The following GPR139 variants were observed in gnomAD, a reference collection of about 807,000 sequenced individuals.
The protein encoded by GPR139 is probable G protein-coupled receptor 139.
In GPR139, 12 loss-of-function variants were observed where a neutral mutation model predicts 25.8. That is an observed-to-expected ratio of 0.47 (90% CI 0.30 to 0.75). The LOEUF (loss-of-function observed/expected upper bound fraction) is 0.75, where lower values mean the gene tolerates loss of function less well. Ranked by LOEUF, GPR139 falls within the 30% of genes least tolerant of loss-of-function variation. The pLI, the probability that GPR139 is intolerant of heterozygous loss-of-function variation, is 0.07. For missense variants in GPR139, 380 were observed against 450.2 expected (o/e 0.84, Z 1.41); for synonymous variants, 184 against 179.9 (o/e 1.02, Z -0.18).
At chr16:20,058,147 T>C (rs1048638473) in intron 1 of GPR139, among the ~76,000 whole-genome samples, 4 of 152,204 alleles carry the variant, frequency 2.6e-5, no homozygotes, top group African/African-American at 9.7e-5. Flanking sequence ...CATATTCCCT[T>C]CAATAAGATG....
chr16:20,073,384 T>C lies in GPR139; in HGVS notation c.127+106A>G. 1 of 1,509,072 alleles carries C rather than the reference T, an allele frequency of 6.6e-7. No homozygotes were observed. The highest frequency in any genetic ancestry group is 9.0e-7 in the Non-Finnish European group (1 of 1,114,032). The allele number at this position is 1,509,072 out of a possible 1,614,324, so 93.5% of individuals were successfully genotyped here. A position where few individuals can be genotyped will look rare whatever the true frequency, so the allele number is the denominator to read the frequency against. On this transcript the variant is annotated intron_variant, in intron 1 of 1. Transcript: ENST00000570682. This position sits in a 1 kb window ranked among gnomAD's most constrained non-coding sequence, Gnocchi z 4.7. ...AGTTGCCCTTAAAGCTTAAACTTTTTCCGAGGGGGCGCCAGGGAACGCACG... is the reference window on the plus strand; with the variant it reads ...AGTTGCCCTTAAAGCTTAAACTTTTCCCGAGGGGGCGCCAGGGAACGCACG...
intron 1 of GPR139, among the ~76,000 whole-genome samples, chr16:20,065,896 G>C (rs1465438659): frequency 6.9e-6 from 1 of 145,028 alleles, no homozygotes; most frequent in Non-Finnish European, 1.5e-5. Flanking sequence ...AAAAAAAAAA[G>C]TTAAATAAGT....
intron 1 of GPR139, among the ~76,000 whole-genome samples, chr16:20,036,933 G>T (rs905844326): frequency 6.6e-6 from 1 of 152,206 alleles, no homozygotes; most frequent in Non-Finnish European, 1.5e-5. Flanking sequence ...ACTATGCCAG[G>T]CATTGGATGA....
At chr16:20,042,005 A>G (rs904553405) in intron 1 of GPR139, among the ~76,000 whole-genome samples, 1 of 152,250 alleles carries the variant, frequency 6.6e-6, no homozygotes, top group East Asian at 1.9e-4. Context: ...AACCTATCCT[A>G]GTTGGGAGCA....
intron 1 of GPR139, among the ~76,000 whole-genome samples, chr16:20,042,836 A>G (rs1285578785): frequency 6.6e-6 from 1 of 152,070 alleles, no homozygotes; most frequent in Non-Finnish European, 1.5e-5. Flanking sequence ...ATAAGGGATC[A>G]TGTTTCATCT....
intron 1 of GPR139, among the ~76,000 whole-genome samples, chr16:20,062,863 T>C (rs1356493062): frequency 6.6e-6 from 1 of 152,238 alleles, no homozygotes; most frequent in Non-Finnish European, 1.5e-5. Flanking sequence ...TTTAACTTTT[T>C]TTCATGCTAA....
rs956844981 is a variant in GPR139, at chr16:20,029,063, T to C, written c.*2672A>G. Among the ~76,000 whole-genome samples, 4 of 152,208 alleles carry C rather than the reference T, an allele frequency of 2.6e-5. No homozygotes were observed. The highest frequency in any genetic ancestry group is 9.6e-5 in the African/African-American group (4 of 41,456). On this transcript the variant is annotated 3_prime_UTR_variant, in exon 2 of 2. Transcript: ENST00000570682. Reference sequence around the variant, plus strand: ...ATAGTTTGAAATAAATTTTAAGAGATATGAATCAACCTAACCCAATGGGCA... The same window carrying C: ...ATAGTTTGAAATAAATTTTAAGAGACATGAATCAACCTAACCCAATGGGCA...
At chr16:20,038,369 G>GTGTGTGTGTGTGTGTGTGTA (rs4028367) in intron 1 of GPR139, among the ~76,000 whole-genome samples, 9 of 133,252 alleles carry the variant, frequency 6.8e-5, no homozygotes, top group East Asian at 4.6e-4. Context: ...GTGTGTGTGT[G>GTGTGTGTGTGTGTGTGTGTA]TATTCTATAG....
chr16:20,066,904 C>T (rs756759846), intron 1 of GPR139, among the ~76,000 whole-genome samples: 4 of 152,136 alleles, frequency 2.6e-5, no homozygotes, highest in African/African-American at 4.8e-5. Context: ...AGAAATTTGC[C>T]CATGGTCACA....
Position 20,033,874 on chromosome 16 carries a change from T to C in GPR139, c.128-1205A>G, listed in dbSNP as rs143856646. On this transcript the variant is annotated intron_variant, in intron 1 of 1. Transcript: ENST00000570682. ...AAAAGTAATTGGCAAAAACTGCAAT[T>C]ACTTTTGCACCAACCTAATACATAG... Among the ~76,000 whole-genome samples, 529 of 152,070 alleles carry C rather than the reference T, an allele frequency of 3.5e-3. 2 individuals carry two copies. The highest frequency in any genetic ancestry group is 0.012 in the African/African-American group (509 of 41,498).
rs1435327758 is a variant in GPR139, at chr16:20,031,528, G to T, written c.*207C>A. The T allele has an allele frequency of 5.2e-6, 3 of 581,960 alleles. No homozygotes were observed. In the East Asian group the frequency reaches 8.5e-5, roughly 16 times the overall value. 36.0% of individuals were successfully genotyped at this position (581,960 alleles called of 1,614,324 possible). ...GCTTTTGCTGTCATTACGACTCTGT[G>T]GAAATAAATGCATAAGTAAAAACAA... is the stretch of plus-strand genomic sequence containing the variant. On this transcript the variant is annotated 3_prime_UTR_variant, in exon 2 of 2. Coordinates refer to ENST00000570682, the MANE Select transcript of GPR139 (RefSeq NM_001002911.4).
rs143520704 is a variant in GPR139 at position 20,038,791 on chromosome 16, C to A, written c.128-6122G>T. Among the ~76,000 whole-genome samples the A allele has an allele frequency of 3.0e-3, 463 of 152,262 alleles. 4 individuals carry two copies. The highest frequency in any genetic ancestry group is 0.01 in the African/African-American group (432 of 41,544). On this transcript the variant is annotated intron_variant, in intron 1 of 1. Coordinates refer to ENST00000570682, the MANE Select transcript of GPR139 (RefSeq NM_001002911.4). Reference sequence around the variant, plus strand: ...AGGTAGAGCCTTCAACTCTTAAAAGCTTGACATTTGCTATAACTCCCCATA... The same window carrying A: ...AGGTAGAGCCTTCAACTCTTAAAAGATTGACATTTGCTATAACTCCCCATA...
chr16:20,045,803 C>T (rs987301822), intron 1 of GPR139, among the ~76,000 whole-genome samples: 1 of 152,182 alleles, frequency 6.6e-6, no homozygotes, highest in Non-Finnish European at 1.5e-5. Flanking sequence ...TCCCCACTGG[C>T]TGATTCTCCA....
intron 1 of GPR139, among the ~76,000 whole-genome samples, chr16:20,054,047 C>A (rs1427562278): frequency 1.3e-5 from 2 of 152,108 alleles, no homozygotes; most frequent in East Asian, 1.9e-4. Flanking sequence ...ACTCTGGGGG[C>A]TTTGGGAGGG....
Position 20,073,797 on chromosome 16 carries a change from TGGAGTCTTGGCTCAGCCCTCCCGCAGGGC to T in GPR139, c.-210_-182del, listed in dbSNP as rs1369554701. The T allele has an allele frequency of 2.3e-5, 18 of 771,748 alleles. No individual in the cohort carries two copies. Among genetic ancestry groups the T allele is most frequent in the Middle Eastern group, 7.8e-4 (2 of 2,562 alleles). 47.8% of individuals were successfully genotyped at this position (771,748 alleles called of 1,614,324 possible). On this transcript the variant is annotated 5_prime_UTR_variant, in exon 1 of 2. Coordinates refer to ENST00000570682, the MANE Select transcript of GPR139 (RefSeq NM_001002911.4). This position sits in a 1 kb window ranked among gnomAD's most constrained non-coding sequence, Gnocchi z 4.7. The stretch of plus-strand genomic sequence containing the variant: ...TCTGCTCGCTCCGCACCTGCCCGCC[TGGAGTCTTGGCTCAGCCCTCCCGCAGGGC>T]GCGGGGCGCAGGGTGCGGGGCGCGC...
chr16:20,066,480 C>A (rs1214383188), intron 1 of GPR139, among the ~76,000 whole-genome samples: 1 of 152,210 alleles, frequency 6.6e-6, no homozygotes, highest in African/African-American at 2.4e-5. Flanking sequence ...TCTATTGGAT[C>A]ATTCTCTTGT....
Position 20,031,504 on chromosome 16 carries a change from C to G in GPR139, c.*231G>C. 1.8e-6 allele frequency: 1 copy of G among 541,932 alleles called. No homozygotes were observed. Among genetic ancestry groups the G allele is most frequent in the Admixed American group, 3.2e-5 (1 of 31,664 alleles). The allele number at this position is 541,932 out of a possible 1,614,324, so 33.6% of individuals were successfully genotyped here. A position where few individuals can be genotyped will look rare whatever the true frequency, so the allele number is the denominator to read the frequency against. The stretch of plus-strand genomic sequence containing the variant: ...AATGGCATCTTCAAACTGGTAGGAG[C>G]TTTTGCTGTCATTACGACTCTGTGG... On this transcript the variant is annotated 3_prime_UTR_variant, in exon 2 of 2. Coordinates refer to ENST00000570682, the MANE Select transcript of GPR139 (RefSeq NM_001002911.4).
intron 1 of GPR139, among the ~76,000 whole-genome samples, chr16:20,037,468 AAGAG>A (rs1171817853): frequency 2.3e-4 from 35 of 150,772 alleles, no homozygotes; most frequent in African/African-American, 3.2e-4. Flanking sequence ...AAAAAAAAAA[AAGAG>A]AGAGAATAAA....
rs1249418791 is a variant in GPR139 at position 20,031,249 on chromosome 16, GA to G, written c.*485del. On this transcript the variant is annotated 3_prime_UTR_variant, in exon 2 of 2. Transcript: ENST00000570682. ...CCCTCTCTAGGACAAAGGGCACCTT[GA>G]AAAAAATCCTGAAATAGTCATTATT... Among the ~76,000 whole-genome samples the G allele has an allele frequency of 6.6e-6, 1 of 152,002 alleles. No homozygotes were observed. Among genetic ancestry groups the G allele is most frequent in the Non-Finnish European group, 1.5e-5 (1 of 67,990 alleles).
Sources: allele counts gnomAD v4.1 joint callset (sites outside exome capture counted in the v4.1 genomes callset), GRCh38; gene constraint gnomAD v4.1.1; non-coding constraint Gnocchi (gnomAD v3.1); transcripts MANE v1.5; gene names NCBI Gene and HGNC (gene_info 2026-07-23, HGNC 2026-07-21).